Variants in SMYD3 observed in about 807,000 individuals in gnomAD.
SMYD3 encodes SET and MYND domain containing 3.
In SMYD3, 36 loss-of-function variants were observed where a neutral mutation model predicts 57.7. The ratio of observed to expected loss-of-function variants is 0.62; its 90% CI spans 0.48 to 0.82. The LOEUF is 0.82. SMYD3 is among the 40% of genes least tolerant of loss of function. The pLI, the probability that SMYD3 is intolerant of heterozygous loss-of-function variation, is 0.00. For missense variants in SMYD3, 515 were observed against 538.8 expected, an observed-to-expected ratio of 0.96 and a Z score of 0.44; for synonymous variants, 211 against 195.0, an observed-to-expected ratio of 1.08 and a Z score of -0.68.
intron 5 of SMYD3, among the ~76,000 whole-genome samples, chr1:246,183,109 G>C (rs2062579966): frequency 6.6e-6 from 1 of 152,072 alleles, no homozygotes; most frequent in Non-Finnish European, 1.5e-5. Flanking sequence ...CTTTTGGAAA[G>C]CTAGAGTCCA....
chr1:245,801,120 GC>G (rs1340743151), intron 10 of SMYD3, among the ~76,000 whole-genome samples: 6 of 152,116 alleles, frequency 3.9e-5, no homozygotes, highest in Admixed American at 1.3e-4. Flanking sequence ...CAAATAAACA[GC>G]CCCACTTAAG....
At chr1:246,195,707 A>G (rs941112709) in intron 5 of SMYD3, among the ~76,000 whole-genome samples, 1 of 152,248 alleles carries the variant, frequency 6.6e-6, no homozygotes, top group African/African-American at 2.4e-5. Context: ...CTGTGTTGAC[A>G]AAGAATGCCT....
intron 5 of SMYD3, among the ~76,000 whole-genome samples, chr1:245,989,214 T>C (rs1208858477): frequency 6.6e-6 from 1 of 152,070 alleles, no homozygotes. Flanking sequence ...TGTCCCCCTT[T>C]CTCTTCTTAA....
intron 4 of SMYD3, among the ~76,000 whole-genome samples, chr1:246,329,394 G>C (rs1459883703): frequency 6.6e-6 from 1 of 152,248 alleles, no homozygotes; most frequent in African/African-American, 2.4e-5. Context: ...TATCTGGTGT[G>C]AGATGGTATC....
chr1:246,233,737 A>G (rs1205793533), intron 5 of SMYD3, among the ~76,000 whole-genome samples: 1 of 132,454 alleles, frequency 7.5e-6, no homozygotes, highest in Non-Finnish European at 1.6e-5. Context: ...GCACTCCTCA[A>G]TTCACACTGT....
chr1:245,974,478 TCC>T (rs879647444), intron 5 of SMYD3, among the ~76,000 whole-genome samples: 15,868 of 151,108 alleles, frequency 0.11, 1,218 homozygotes, highest in East Asian at 0.15. Context: ...AGCCATCGTC[TCC>T]GGCCCAGGGA....
At chr1:246,008,462 T>C (rs1225644076) in intron 5 of SMYD3, among the ~76,000 whole-genome samples, 1 of 152,242 alleles carries the variant, frequency 6.6e-6, no homozygotes, top group African/African-American at 2.4e-5. Flanking sequence ...CCCTCTGGGC[T>C]TCCCCTCCCT....
At chr1:245,955,238 C>CCTG (rs2057799338) in intron 5 of SMYD3, among the ~76,000 whole-genome samples, 1 of 135,612 alleles carries the variant, frequency 7.4e-6, no homozygotes, top group Admixed American at 7.7e-5. Flanking sequence ...ACTACAGGTG[C>CCTG]CCGCCGCCAT....
At chr1:245,779,098 T>C (rs1188839362) in intron 10 of SMYD3, among the ~76,000 whole-genome samples, 10 of 143,208 alleles carry the variant, frequency 7.0e-5, no homozygotes, top group Non-Finnish European at 6.1e-5. Flanking sequence ...AGGAGGAGGG[T>C]GCAATGAGCC....
intron 1 of SMYD3, among the ~76,000 whole-genome samples, chr1:246,380,305 A>G (rs1028291868): frequency 2.6e-5 from 4 of 152,186 alleles, no homozygotes; most frequent in East Asian, 1.9e-4. Context: ...CTAAAAAGCA[A>G]TCTCCCTGTT....
intron 5 of SMYD3, among the ~76,000 whole-genome samples, chr1:246,105,108 A>G (rs28594538): frequency 0.22 from 32,826 of 152,028 alleles, 4,697 homozygotes; most frequent in East Asian, 0.56. Context: ...GATTCTTGCC[A>G]AAGACAGGCC....
chr1:245,827,776 C>T (rs1292103201), intron 10 of SMYD3, among the ~76,000 whole-genome samples: 1 of 152,156 alleles, frequency 6.6e-6, no homozygotes, highest in African/African-American at 2.4e-5. Context: ...TGCCTTATCA[C>T]ACTTATTTTC....
chr1:245,784,756 C>A (rs2046966220), intron 10 of SMYD3, among the ~76,000 whole-genome samples: 2 of 151,772 alleles, frequency 1.3e-5, no homozygotes, highest in African/African-American at 2.4e-5. Context: ...CCTTGGAAGT[C>A]GCATTGATTC....
intron 1 of SMYD3, among the ~76,000 whole-genome samples, chr1:246,398,835 A>C (rs1385635923): frequency 2.6e-5 from 4 of 152,166 alleles, no homozygotes. Flanking sequence ...ACTAGTGATG[A>C]GTCTGACAAG....
chr1:246,180,500 G>A lies in SMYD3; in HGVS notation c.531+146701C>T, dbSNP rs1043172283. ...AGGCCGGGTGTGGTGGTTCATGCCT[G>A]TAATCCCAGCACTTTAGGAGGCCGA... On this transcript the variant is annotated intron_variant, in intron 5 of 11. Coordinates refer to ENST00000490107, the MANE Select transcript of SMYD3 (RefSeq NM_001167740.2). Among the ~76,000 whole-genome samples, 11 of 150,570 alleles carry A rather than the reference G, an allele frequency of 7.3e-5. No individual in the cohort carries two copies. In the East Asian group the frequency reaches 1.8e-3, roughly 24 times the overall value.
At chr1:246,035,228 C>T (rs552803060) in intron 5 of SMYD3, 1 of 152,356 alleles carries the variant, frequency 6.6e-6, no homozygotes, top group Non-Finnish European at 1.5e-5. Context: ...GCAATCAAAA[C>T]CTGGCAATTT....
intron 8 of SMYD3, among the ~76,000 whole-genome samples, chr1:245,870,594 A>G (rs1241171044): frequency 6.6e-6 from 1 of 152,138 alleles, no homozygotes; most frequent in Non-Finnish European, 1.5e-5. Context: ...CCTTAACTGT[A>G]AAAATAGGTA....
chr1:246,081,129 G>C (rs2060631234), intron 5 of SMYD3, among the ~76,000 whole-genome samples: 1 of 152,228 alleles, frequency 6.6e-6, no homozygotes, highest in Non-Finnish European at 1.5e-5. Context: ...CGTTGAGGAA[G>C]GAAAGATTTA....
At chr1:246,282,095 T>C (rs2064454837) in intron 5 of SMYD3, among the ~76,000 whole-genome samples, 1 of 151,904 alleles carries the variant, frequency 6.6e-6, no homozygotes, top group Admixed American at 6.6e-5. Context: ...GGTCCAAATA[T>C]GTATACTTTA....
Sources: allele counts gnomAD v4.1 joint callset (sites outside exome capture counted in the v4.1 genomes callset), GRCh38; gene constraint gnomAD v4.1.1; transcripts MANE v1.5; gene names NCBI Gene and HGNC (gene_info 2026-07-23, HGNC 2026-07-21).